The following NCBP1 variants were observed in gnomAD, a reference collection of about 807,000 sequenced individuals.
The protein encoded by NCBP1 is nuclear cap binding protein subunit 1.
NCBP1 carries 16 observed loss-of-function variants against 111.7 expected under a neutral mutation model. That is an observed-to-expected ratio of 0.14 (90% CI 0.10 to 0.22). The LOEUF (loss-of-function observed/expected upper bound fraction) is 0.22, where lower values mean the gene tolerates loss of function less well. NCBP1 is among the 10% of genes least tolerant of loss of function. The probability of loss-of-function intolerance (pLI) is 1.00; values close to 1 mark genes in which losing one functional copy is unlikely to be tolerated. For synonymous variants in NCBP1, 304 were observed against 314.3 expected (o/e 0.97, Z 0.35); for missense variants, 607 against 957.5 (o/e 0.63, Z 4.83).
At chr9:97,669,748 C>A in intron 22 of NCBP1, 42 bp downstream of exon 22, 1 of 1,344,228 alleles carries the variant, frequency 7.4e-7, no homozygotes, top group Non-Finnish European at 1.1e-6. Flanking sequence ...CTATTCTCAG[C>A]CACAAAGATT....
At chr9:97,653,943 T>C (rs781382700) in intron 11 of NCBP1, 35 bp downstream of exon 11, 11 of 1,516,206 alleles carry the variant, frequency 7.3e-6, no homozygotes, top group Non-Finnish European at 9.0e-6. Context: ...TTAATCTCTT[T>C]GGCCTGGTCT....
intron 1 of NCBP1, among the ~76,000 whole-genome samples, chr9:97,635,567 C>A (rs117217770): frequency 6.6e-6 from 1 of 151,984 alleles, no homozygotes; most frequent in Non-Finnish European, 1.5e-5. Flanking sequence ...CGGGCCACCA[C>A]GCCCGGCTAA....
intron 18 of NCBP1, among the ~76,000 whole-genome samples, chr9:97,663,644 C>T (rs1364440233): frequency 6.6e-6 from 1 of 151,874 alleles, no homozygotes; most frequent in Non-Finnish European, 1.5e-5. Context: ...ACCACCACAC[C>T]TGGCTGATTT....
At chr9:97,646,018 A>G (rs1419231854) in intron 6 of NCBP1, among the ~76,000 whole-genome samples, 1 of 152,204 alleles carries the variant, frequency 6.6e-6, no homozygotes, top group African/African-American at 2.4e-5. Flanking sequence ...TTCCTCAAAT[A>G]TTAGTGTGGA....
chr9:97,645,235 C>A lies in NCBP1; in HGVS notation c.489+11C>A, dbSNP rs1254235190. ...GAAGATGTACCTCAGGTAAGAGAAC[C>A]CCTCATGCTGAATCTTGAGGGGTTC... On this transcript the variant is annotated intron_variant, in intron 5 of 22. Transcript: ENST00000375147. The A allele has an allele frequency of 6.3e-7, 1 of 1,584,494 alleles. No individual in the cohort carries two copies. The highest frequency in any genetic ancestry group is 8.7e-7 in the Non-Finnish European group (1 of 1,153,524).
intron 17 of NCBP1, 86 bp from the exon 18 acceptor site, chr9:97,662,868 T>C: frequency 1.0e-6 from 1 of 977,716 alleles, no homozygotes; most frequent in Non-Finnish European, 1.6e-6. Flanking sequence ...GCATTATAAA[T>C]TGAGTAACAT....
chr9:97,649,315 G>A (rs1268056672), intron 8 of NCBP1, among the ~76,000 whole-genome samples: 3 of 151,974 alleles, frequency 2.0e-5, no homozygotes, highest in East Asian at 1.9e-4. Flanking sequence ...GATGCTCAGC[G>A]GTGTCCCTGA....
intron 15 of NCBP1, 147 bp downstream of exon 15, chr9:97,658,890 T>G: frequency 3.1e-6 from 2 of 644,170 alleles, no homozygotes. Context: ...CATTAGCCAC[T>G]GTTTTATTTG....
chr9:97,670,097 A>ATT, intron 22 of NCBP1: 1 of 328,076 alleles, frequency 3.0e-6, no homozygotes, highest in Non-Finnish European at 6.0e-6. Context: ...TGATTTTTGT[A>ATT]TTTTTAGTAG....
In NCBP1 at chr9:97,653,848, G is replaced by C. The variant is rs891466642; in HGVS notation, c.1110G>C (p.Val370=). The C allele has an allele frequency of 1.2e-6, 2 of 1,614,108 alleles. No homozygotes were observed. Among genetic ancestry groups the C allele is most frequent in the African/African-American group, 1.3e-5 (1 of 75,034 alleles). Reference sequence around the variant, plus strand: ...TTCCAGCACCCCCTCACATTGATGTGATGTACACAACACTCCTCATTGAAC... The same window carrying C: ...TTCCAGCACCCCCTCACATTGATGTCATGTACACAACACTCCTCATTGAAC... ...FQLPAPPHID[V]MYTTLLIELC... is the part of the protein sequence containing the mutation. The change falls in exon 11 of 23, where the codon GTG becomes GTC. Residue 370 remains valine (V), a synonymous_variant. Coordinates refer to ENST00000375147, the MANE Select transcript of NCBP1 (RefSeq NM_002486.5).
In NCBP1 at chr9:97,645,134, T is replaced by A; in HGVS notation, c.399T>A (p.Asp133Glu). The A allele has an allele frequency of 1.2e-6, 2 of 1,613,352 alleles. No individual in the cohort carries two copies. The highest frequency in any genetic ancestry group is 1.7e-6 in the Non-Finnish European group (2 of 1,179,422). Reference protein sequence around the residue: ...EAVYLVRFLSDLVNCHVIAAP... With the variant: ...EAVYLVRFLSELVNCHVIAAP... ...CCCAACAGGTCCGTTTTTTATCTGA[T>A]CTTGTGAATTGTCATGTGATTGCCG... The change falls in exon 5 of 23, where the codon GAT (aspartate) becomes GAA (glutamate). Residue 133 changes from aspartate (D) to glutamate (E), a missense_variant. Asp to Glu is a conservative substitution (Grantham distance 45, BLOSUM62 2). Around this residue, in one of 9 missense-constraint regions of NCBP1, gnomAD observed 185 missense variants for 272.0 expected, o/e 0.68. Transcript: ENST00000375147.
rs922630401 is a variant in NCBP1, at chr9:97,636,673, T to A, written c.34+2758T>A. On this transcript the variant is annotated intron_variant, in intron 1 of 22. Transcript: ENST00000375147. The stretch of plus-strand genomic sequence containing the variant: ...ATATATATATATATATATATATATA[T>A]AAAATCATTTATTCAACAAATACTT... Among the ~76,000 whole-genome samples the A allele has an allele frequency of 3.3e-4, 41 of 123,462 alleles. 1 individual carries two copies. In the East Asian group the frequency reaches 4.6e-3, roughly 14 times the overall value. The allele number at this position is 123,462 out of a possible 152,430, so 81.0% of individuals were successfully genotyped here. A position where few individuals can be genotyped will look rare whatever the true frequency, so the allele number is the denominator to read the frequency against.
intron 10 of NCBP1, among the ~76,000 whole-genome samples, chr9:97,652,442 AT>A (rs1827524511): frequency 6.6e-6 from 1 of 152,184 alleles, no homozygotes; most frequent in Admixed American, 6.5e-5. Flanking sequence ...ACATGGCAAA[AT>A]CCTGTCTCCA....
intron 17 of NCBP1, among the ~76,000 whole-genome samples, chr9:97,662,485 C>T (rs1313375618): frequency 6.6e-6 from 1 of 152,140 alleles, no homozygotes. Flanking sequence ...ATCAGCTACA[C>T]TGTTGGGAGT....
rs772105621 is a variant in NCBP1 at position 97,662,964 on chromosome 9, G to A, written c.1714G>A (p.Val572Ile). ...SFSALAKFHE[V>I]FKTLAESDEG... Reference sequence around the variant, plus strand: ...CATCATTATCAAAAGGTTTCATGAAGTCTTCAAAACCCTAGCTGAAAGTGA... The same window carrying A: ...CATCATTATCAAAAGGTTTCATGAAATCTTCAAAACCCTAGCTGAAAGTGA... The change falls in exon 18 of 23, where the codon GTC (valine) becomes ATC (isoleucine). Residue 572 changes from valine (V) to isoleucine (I), a missense_variant. By Grantham distance (29) the Val-to-Ile change is conservative (BLOSUM62 3). Transcript: ENST00000375147. 1.2e-6 allele frequency: 2 copies of A among 1,611,004 alleles called. No homozygotes were observed. The highest frequency in any genetic ancestry group is 1.7e-6 in the Non-Finnish European group (2 of 1,178,822).
intron 3 of NCBP1, among the ~76,000 whole-genome samples, chr9:97,642,422 G>A (rs1827227920): frequency 6.6e-6 from 1 of 151,996 alleles, no homozygotes; most frequent in Admixed American, 6.6e-5. Flanking sequence ...GTTCTGCTAG[G>A]TACTTTAGGA....
At chr9:97,666,950 T>A (rs898268932) in intron 20 of NCBP1, 73 bp downstream of exon 20, 5 of 1,101,392 alleles carry the variant, frequency 4.5e-6, no homozygotes, top group Non-Finnish European at 6.4e-6. Context: ...CAGAGTTCAT[T>A]ATCTTGATGA....
chr9:97,636,084 A>G (rs1346981256), intron 1 of NCBP1: 1 of 152,212 alleles, frequency 6.6e-6, no homozygotes, highest in African/African-American at 2.4e-5. Flanking sequence ...TTCATTAAGC[A>G]AAGGTTTTTA....
chr9:97,651,946 A>G (rs1827508497), intron 10 of NCBP1, among the ~76,000 whole-genome samples: 1 of 152,202 alleles, frequency 6.6e-6, no homozygotes, highest in African/African-American at 2.4e-5. Context: ...AGTTGAATAC[A>G]TTATAGAGAT....
Sources: gnomAD v4.1 joint callset for allele counts (sites outside exome capture counted in the v4.1 genomes callset) on GRCh38, gnomAD v4.1.1 for gene constraint, gnomAD v4.1.1 regional missense constraint, MANE v1.5 for transcripts, NCBI Gene and HGNC (gene_info 2026-07-23, HGNC 2026-07-21) for gene names.